Variants in MCTP2 observed in about 807,000 individuals in gnomAD.
MCTP2 encodes the protein multiple C2 and transmembrane domain containing 2.
Under a neutral mutation model 111.6 loss-of-function variants are expected in MCTP2, and 132 were observed. The ratio of observed to expected loss-of-function variants is 1.18; its 90% CI spans 1.03 to 1.37. The LOEUF (loss-of-function observed/expected upper bound fraction) is 1.37, where lower values mean the gene tolerates loss of function less well. Among genes scored for constraint, MCTP2 ranks in the 40% most tolerant of loss-of-function variants. The pLI is 0.00. For synonymous variants in MCTP2, 395 were observed against 387.7 expected (o/e 1.02, Z -0.22); for missense variants, 1,183 against 1,067.9 (o/e 1.11, Z -1.50).
chr15:94,248,490 T>C (rs1328310461), intron 1 of MCTP2, among the ~76,000 whole-genome samples: 1 of 152,196 alleles, frequency 6.6e-6, no homozygotes, highest in East Asian at 1.9e-4. Context: ...TCCAATTACA[T>C]TGGCCAGTCA....
intron 1 of MCTP2, among the ~76,000 whole-genome samples, chr15:94,294,826 G>C (rs1184961396): frequency 6.6e-6 from 1 of 152,086 alleles, no homozygotes; most frequent in Non-Finnish European, 1.5e-5. Context: ...AGATTGGTTG[G>C]AAGGCAGATT....
chr15:94,311,971 A>T (rs1302928532), intron 2 of MCTP2, among the ~76,000 whole-genome samples: 1 of 152,222 alleles, frequency 6.6e-6, no homozygotes, highest in Non-Finnish European at 1.5e-5. Flanking sequence ...ATACAAGACC[A>T]TCATTATCCT....
chr15:94,297,208 A>G (rs1487891141), intron 1 of MCTP2, among the ~76,000 whole-genome samples: 1 of 152,196 alleles, frequency 6.6e-6, no homozygotes, highest in African/African-American at 2.4e-5. Flanking sequence ...TTATTTCTGC[A>G]AATTTGATTT....
chr15:94,481,272 C>G lies in MCTP2; in HGVS notation c.*2238C>G, dbSNP rs955947498. ...CAGAAACTAAACATCATCTGTCTCT[C>G]CCTGTCTTCAGAACCCCAACCCTCA... On this transcript the variant is annotated 3_prime_UTR_variant, in exon 23 of 23. Coordinates refer to ENST00000357742, the MANE Select transcript of MCTP2 (RefSeq NM_001385001.1). 4.6e-5 allele frequency: 7 copies of G among 152,336 alleles called. No homozygotes were observed. Among genetic ancestry groups the G allele is most frequent in the Non-Finnish European group, 8.8e-5 (6 of 68,058 alleles). 9.4% of individuals were successfully genotyped at this position (152,336 alleles called of 1,614,324 possible). A position where few individuals can be genotyped will look rare whatever the true frequency, so the allele number is the denominator to read the frequency against.
At chr15:94,321,434 A>G (rs929373650) in intron 4 of MCTP2, among the ~76,000 whole-genome samples, 1 of 152,252 alleles carries the variant, frequency 6.6e-6, no homozygotes, top group Non-Finnish European at 1.5e-5. Context: ...ATTATTATTA[A>G]TAAAGATGTA....
intron 14 of MCTP2, among the ~76,000 whole-genome samples, chr15:94,394,216 A>C: frequency 6.6e-6 from 1 of 151,458 alleles, no homozygotes; most frequent in African/African-American, 2.4e-5. Context: ...TGTGATTTTT[A>C]ACATTACTTA....
At chr15:94,445,086 T>A (rs989403753) in intron 19 of MCTP2, among the ~76,000 whole-genome samples, 3 of 152,226 alleles carry the variant, frequency 2.0e-5, no homozygotes, top group Non-Finnish European at 2.9e-5. Flanking sequence ...CCCTTTGGTC[T>A]GTGCTTTAAA....
At chr15:94,306,713 G>T (rs546266702) in intron 2 of MCTP2, among the ~76,000 whole-genome samples, 7 of 152,160 alleles carry the variant, frequency 4.6e-5, no homozygotes, top group African/African-American at 9.7e-5. Context: ...TCCACAATGG[G>T]GTATGTCCTT....
chr15:94,321,115 T>C (rs1056436235), intron 4 of MCTP2, among the ~76,000 whole-genome samples: 1 of 152,048 alleles, frequency 6.6e-6, no homozygotes, highest in African/African-American at 2.4e-5. Context: ...AGAAAGTTGA[T>C]CCGTGGAGAC....
chr15:94,424,143 A>G (rs1301323520), intron 17 of MCTP2, among the ~76,000 whole-genome samples: 2 of 152,184 alleles, frequency 1.3e-5, no homozygotes, highest in African/African-American at 2.4e-5. Context: ...AAAAAAATTT[A>G]TATCTTATTC....
At chr15:94,255,819 A>G (rs2152273884) in intron 1 of MCTP2, among the ~76,000 whole-genome samples, 1 of 152,344 alleles carries the variant, frequency 6.6e-6, no homozygotes, top group Non-Finnish European at 1.5e-5. Flanking sequence ...GGTAGGAATG[A>G]AAGAAATCAT....
chr15:94,343,258 T>C (rs2077764219), intron 7 of MCTP2: 1 of 152,072 alleles, frequency 6.6e-6, no homozygotes, highest in Non-Finnish European at 1.5e-5. Flanking sequence ...GTTCTTTTCA[T>C]TGAGTTTGAG....
At chr15:94,436,810 C>T (rs1256658412) in intron 17 of MCTP2, among the ~76,000 whole-genome samples, 1 of 151,912 alleles carries the variant, frequency 6.6e-6, no homozygotes, top group African/African-American at 2.4e-5. Context: ...TCCATTTACC[C>T]AGTAGACAGG....
intron 22 of MCTP2, 82 bp from the exon 23 acceptor site, chr15:94,478,884 T>C: frequency 2.5e-6 from 3 of 1,203,256 alleles, no homozygotes; most frequent in Non-Finnish European, 3.7e-6. Context: ...TTGCCTTCGG[T>C]TGTCCTTGGG....
intron 7 of MCTP2, chr15:94,342,988 A>G (rs1299886866): frequency 1.4e-5 from 2 of 147,330 alleles, no homozygotes; most frequent in African/African-American, 2.5e-5. Flanking sequence ...ATCCATATAC[A>G]TATATACACA....
chr15:94,253,822 T>G (rs1199365766), intron 1 of MCTP2, among the ~76,000 whole-genome samples: 1 of 152,048 alleles, frequency 6.6e-6, no homozygotes, highest in Non-Finnish European at 1.5e-5. Flanking sequence ...GTGTAACCAT[T>G]AAACTCCAGA....
chr15:94,245,317 T>C (rs2071786221), intron 1 of MCTP2, among the ~76,000 whole-genome samples: 1 of 142,162 alleles, frequency 7.0e-6, no homozygotes, highest in Non-Finnish European at 1.5e-5. Flanking sequence ...TATATGTACA[T>C]ATATTTACAT....
At chr15:94,282,043 T>C (rs1473232421) in intron 1 of MCTP2, among the ~76,000 whole-genome samples, 1 of 152,178 alleles carries the variant, frequency 6.6e-6, no homozygotes, top group Non-Finnish European at 1.5e-5. Context: ...GTATAGTATC[T>C]TGCAGGGGTT....
intron 1 of MCTP2, among the ~76,000 whole-genome samples, chr15:94,258,341 T>A (rs1034326942): frequency 6.6e-6 from 1 of 152,178 alleles, no homozygotes; most frequent in Non-Finnish European, 1.5e-5. Flanking sequence ...CTTTTCTAAT[T>A]ATGAGTGACT....
Sources: gnomAD v4.1 joint callset for allele counts (sites outside exome capture counted in the v4.1 genomes callset) on GRCh38, gnomAD v4.1.1 for gene constraint, MANE v1.5 for transcripts, NCBI Gene and HGNC (gene_info 2026-07-23, HGNC 2026-07-21) for gene names.